The following ESF1 variants were observed in gnomAD, a reference collection of about 807,000 sequenced individuals.
The protein encoded by ESF1 is ESF1 nucleolar pre-rRNA processing protein.
In ESF1, 58 loss-of-function variants were observed where a neutral mutation model predicts 92.0. The observed-to-expected ratio is 0.63, with a 90% CI of 0.51 to 0.78. ESF1 has a LOEUF of 0.78. ESF1 is among the 30% of genes least tolerant of loss of function. The pLI is 0.00. For synonymous variants in ESF1, 321 were observed against 313.7 expected, an observed-to-expected ratio of 1.02 and a Z score of -0.24; for missense variants, 922 against 989.1, an observed-to-expected ratio of 0.93 and a Z score of 0.91.
At chr20:13,749,866 C>T (rs559490134) in intron 9 of ESF1, among the ~76,000 whole-genome samples, 6 of 152,216 alleles carry the variant, frequency 3.9e-5, no homozygotes, top group Admixed American at 2.0e-4. Context: ...CATGCCCGGC[C>T]GGGTATATCT....
intron 10 of ESF1, 50 bp downstream of exon 10, chr20:13,733,671 G>T: frequency 6.5e-7 from 1 of 1,550,000 alleles, no homozygotes. Flanking sequence ...GGTACCATCT[G>T]ATATATGGTT....
At chr20:13,742,198 C>A (rs1199669777) in intron 9 of ESF1, among the ~76,000 whole-genome samples, 9 of 152,096 alleles carry the variant, frequency 5.9e-5, no homozygotes, top group Non-Finnish European at 1.3e-4. Context: ...GAAACCCTGT[C>A]TCTACTAAAA....
rs1166282348 is a variant in ESF1, at chr20:13,748,487, C to CAT, written c.1828+11203_1828+11204dup. 5.8e-5 allele frequency among the ~76,000 whole-genome samples: 8 copies of CAT among 136,878 alleles called. No homozygotes were observed. In the East Asian group the frequency reaches 1.6e-3, roughly 28 times the overall value. The allele number at this position is 136,878 out of a possible 152,430, so 89.8% of individuals were successfully genotyped here. ...ATATACACATATATACACATATACA[C>CAT]ATATATATACATATATACACATATA... is the stretch of plus-strand genomic sequence containing the variant. On this transcript the variant is annotated intron_variant, in intron 9 of 13. Coordinates refer to ENST00000617257, the MANE Select transcript of ESF1 (RefSeq NM_001276380.2).
chr20:13,738,024 A>G (rs1448657739), intron 9 of ESF1, among the ~76,000 whole-genome samples: 1 of 152,076 alleles, frequency 6.6e-6, no homozygotes, highest in Non-Finnish European at 1.5e-5. Context: ...CATCAAAGAC[A>G]CTCCTTCAAA....
chr20:13,717,647 G>C (rs1406565840), intron 12 of ESF1, 133 bp from the exon 13 acceptor site: 13 of 895,188 alleles, frequency 1.5e-5, no homozygotes, highest in Non-Finnish European at 2.2e-5. Context: ...ACCACCTGTT[G>C]TCTGTAAACT....
At position 13,766,687 on chromosome 20, in the gene ESF1, G is replaced by A. The variant is rs562472370; in HGVS notation, c.1666+90C>T. On this transcript the variant is annotated intron_variant, in intron 8 of 13. Coordinates refer to ENST00000617257, the MANE Select transcript of ESF1 (RefSeq NM_001276380.2). ...CAGGTATATATAATACTGTGCATGTGAGCATATCTGCAGACAGAATTTGGC... is the reference window on the plus strand; with the variant it reads ...CAGGTATATATAATACTGTGCATGTAAGCATATCTGCAGACAGAATTTGGC... 56 of 1,291,264 alleles carry A rather than the reference G, an allele frequency of 4.3e-5. No homozygotes were observed. The South Asian group carries it at 5.3e-4, about 12-fold the overall frequency. The allele number at this position is 1,291,264 out of a possible 1,614,324, so 80.0% of individuals were successfully genotyped here.
intron 2 of ESF1, among the ~76,000 whole-genome samples, chr20:13,780,805 G>A (rs1031348577): frequency 2.6e-5 from 4 of 152,250 alleles, no homozygotes; most frequent in African/African-American, 9.6e-5. Context: ...TGCTGCTGGA[G>A]GTGACAAAAA....
chr20:13,775,841 T>C (rs755407643), intron 3 of ESF1, 32 bp downstream of exon 3: 490 of 1,555,908 alleles, frequency 3.1e-4, no homozygotes, highest in Non-Finnish European at 4.0e-4. Context: ...ACTGTGTTTT[T>C]CACAAATAAT....
intron 11 of ESF1, among the ~76,000 whole-genome samples, chr20:13,720,185 G>A (rs996636537): frequency 6.6e-6 from 1 of 152,060 alleles, no homozygotes; most frequent in African/African-American, 2.4e-5. Context: ...TTGTACCCAA[G>A]CTGTACTGCT....
At chr20:13,760,786 C>A (rs1224890313) in intron 8 of ESF1, among the ~76,000 whole-genome samples, 2 of 151,546 alleles carry the variant, frequency 1.3e-5, no homozygotes, top group Admixed American at 6.6e-5. Flanking sequence ...CGGCCAGCCA[C>A]CCCGTCTGGG....
chr20:13,748,842 C>T (rs1156760723), intron 9 of ESF1, among the ~76,000 whole-genome samples: 1 of 151,916 alleles, frequency 6.6e-6, no homozygotes, highest in Non-Finnish European at 1.5e-5. Context: ...CCACCTCAGC[C>T]TCCCAAAGTG....
chr20:13,734,215 T>G (rs551232883), intron 9 of ESF1, among the ~76,000 whole-genome samples: 4 of 152,350 alleles, frequency 2.6e-5, no homozygotes, highest in Admixed American at 6.5e-5. Context: ...CTTCTCAGGA[T>G]ACTAATTAAT....
intron 4 of ESF1, 61 bp downstream of exon 4, chr20:13,775,096 A>AAT: frequency 7.9e-7 from 1 of 1,262,600 alleles, no homozygotes; most frequent in Non-Finnish European, 1.1e-6. Flanking sequence ...AAAAAAAAAA[A>AAT]AAATCAGATT....
chr20:13,738,304 CCT>C (rs371090290), intron 9 of ESF1, among the ~76,000 whole-genome samples: 1 of 138,902 alleles, frequency 7.2e-6, no homozygotes, highest in African/African-American at 2.7e-5. Context: ...TCTGTAAATC[CCT>C]CTCTCCTAAA....
At chr20:13,746,297 C>T (rs1600277828) in intron 9 of ESF1, among the ~76,000 whole-genome samples, 1 of 152,094 alleles carries the variant, frequency 6.6e-6, no homozygotes, top group Non-Finnish European at 1.5e-5. Context: ...TAAATACACA[C>T]TTTAATATAT....
At chr20:13,730,781 T>C (rs914121815) in intron 10 of ESF1, among the ~76,000 whole-genome samples, 8 of 151,906 alleles carry the variant, frequency 5.3e-5, no homozygotes, top group African/African-American at 1.9e-4. Context: ...GCTATGTACC[T>C]ACTCAACACA....
At chr20:13,770,978 C>T (rs1057506008) in intron 6 of ESF1, among the ~76,000 whole-genome samples, 16 of 152,312 alleles carry the variant, frequency 1.1e-4, no homozygotes, top group African/African-American at 3.8e-4. Flanking sequence ...AGATAACAAT[C>T]TGTTTTCAAA....
chr20:13,758,947 T>A (rs1043889684), intron 9 of ESF1, among the ~76,000 whole-genome samples: 3 of 152,182 alleles, frequency 2.0e-5, no homozygotes, highest in Non-Finnish European at 4.4e-5. Flanking sequence ...TTCCTATACA[T>A]CTACAGCTAT....
At chr20:13,752,880 T>C (rs897931584) in intron 9 of ESF1, among the ~76,000 whole-genome samples, 1 of 152,118 alleles carries the variant, frequency 6.6e-6, no homozygotes, top group Non-Finnish European at 1.5e-5. Flanking sequence ...CCCTACTCCA[T>C]GCCCAAGGAA....
Sources: gnomAD v4.1 joint callset for allele counts (sites outside exome capture counted in the v4.1 genomes callset) on GRCh38, gnomAD v4.1.1 for gene constraint, MANE v1.5 for transcripts, NCBI Gene and HGNC (gene_info 2026-07-23, HGNC 2026-07-21) for gene names.